The following ATP8B4 variants were observed in gnomAD, a reference collection of about 807,000 sequenced individuals.
The protein encoded by ATP8B4 is ATPase phospholipid transporting 8B4 (putative), also known as probable phospholipid-transporting ATPase IM.
In ATP8B4, 133 loss-of-function variants were observed where a neutral mutation model predicts 145.6. That is an observed-to-expected ratio of 0.91 (90% confidence interval 0.79 to 1.05). The LOEUF (loss-of-function observed/expected upper bound fraction) is 1.05. ATP8B4 is among the 50% of genes least tolerant of loss of function. ATP8B4 has a pLI of 0.00. For synonymous variants in ATP8B4, 507 were observed against 492.9 expected (o/e 1.03, Z -0.38); for missense variants, 1,458 against 1,425.2 (o/e 1.02, Z -0.37).
intron 9 of ATP8B4, among the ~76,000 whole-genome samples, chr15:49,990,924 C>T (rs1419778044): frequency 6.6e-6 from 1 of 152,130 alleles, no homozygotes; most frequent in African/African-American, 2.4e-5. Flanking sequence ...ATGATTGTGA[C>T]AAATACTTAT....
At chr15:49,936,699 C>T (rs1408698259) in intron 14 of ATP8B4, among the ~76,000 whole-genome samples, 1 of 151,810 alleles carries the variant, frequency 6.6e-6, no homozygotes, top group Non-Finnish European at 1.5e-5. Flanking sequence ...TCTGATATTT[C>T]TTTATAATTT....
Position 49,859,397 on chromosome 15 carries a change from T to A in ATP8B4, c.*797A>T, listed in dbSNP as rs2031222519. On this transcript the variant is annotated 3_prime_UTR_variant, in exon 28 of 28. Transcript: ENST00000284509. ...CTGATTCTATTAATGGTCTGGATGA[T>A]GCTCAGCAAATTACTACTGAGGTTG... The A allele has an allele frequency of 3.9e-5, 6 of 152,226 alleles. No homozygotes were observed. In the South Asian group the frequency reaches 1.0e-3, roughly 26 times the overall value. 9.4% of individuals were successfully genotyped at this position (152,226 alleles called of 1,614,324 possible). A position where few individuals can be genotyped will look rare whatever the true frequency, so the allele number is the denominator to read the frequency against.
intron 10 of ATP8B4, among the ~76,000 whole-genome samples, chr15:49,986,636 A>G (rs964064040): frequency 6.6e-6 from 1 of 152,220 alleles, no homozygotes; most frequent in Non-Finnish European, 1.5e-5. Context: ...TCCAATTTTG[A>G]TTGCACATAG....
chr15:50,122,773 A>G (rs1220436521), upstream of ATP8B4, among the ~76,000 whole-genome samples: 2 of 152,162 alleles, frequency 1.3e-5, no homozygotes, highest in Non-Finnish European at 2.9e-5. Context: ...TGAATCTCCT[A>G]AAGTCTACAC....
At chr15:49,920,613 T>C (rs143657650) in intron 17 of ATP8B4, among the ~76,000 whole-genome samples, 1 of 152,340 alleles carries the variant, frequency 6.6e-6, no homozygotes, top group Admixed American at 6.5e-5. Context: ...TCTATGAGGT[T>C]AAAACATGCA....
intron 17 of ATP8B4, chr15:49,922,205 C>A: frequency 5.5e-6 from 1 of 180,892 alleles, no homozygotes; most frequent in Non-Finnish European, 1.2e-5. Flanking sequence ...AAGCAAAGAG[C>A]AAGTTAAATT....
intron 1 of ATP8B4, among the ~76,000 whole-genome samples, chr15:50,117,914 T>C (rs935529080): frequency 2.0e-5 from 3 of 152,108 alleles, no homozygotes; most frequent in Non-Finnish European, 4.4e-5. Flanking sequence ...AAGACAAATA[T>C]CACATATCCT....
At chr15:50,177,638 A>C (rs530012589) in intron 1 of ATP8B4, among the ~76,000 whole-genome samples, 1 of 152,330 alleles carries the variant, frequency 6.6e-6, no homozygotes, top group African/African-American at 2.4e-5. Context: ...AACTCTCCTC[A>C]GTAACTTCTC....
At chr15:50,086,958 TAAA>T (rs1481114956) in intron 2 of ATP8B4, among the ~76,000 whole-genome samples, 1 of 100,300 alleles carries the variant, frequency 1.0e-5, no homozygotes, top group Non-Finnish European at 1.8e-5. Context: ...TTATATATAA[TAAA>T]ATAATATAGA....
chr15:50,017,440 C>T (rs2049175796), intron 6 of ATP8B4, among the ~76,000 whole-genome samples: 1 of 152,100 alleles, frequency 6.6e-6, no homozygotes, highest in Non-Finnish European at 1.5e-5. Context: ...TTTGAAAAAT[C>T]AGAGAATTCA....
At chr15:49,880,221 G>C (rs1167649698) in intron 23 of ATP8B4, 1 of 152,226 alleles carries the variant, frequency 6.6e-6, no homozygotes, top group Non-Finnish European at 1.5e-5. Flanking sequence ...TGGGAGGGCT[G>C]TAATTGTAAT....
intron 2 of ATP8B4, among the ~76,000 whole-genome samples, chr15:50,088,139 G>A (rs937669225): frequency 6.6e-6 from 1 of 152,054 alleles, no homozygotes; most frequent in African/African-American, 2.4e-5. Flanking sequence ...TGTAATCCCA[G>A]CACTTTAGGA....
upstream of ATP8B4, among the ~76,000 whole-genome samples, chr15:50,123,435 G>T (rs2057286512): frequency 6.6e-6 from 1 of 152,196 alleles, no homozygotes; most frequent in African/African-American, 2.4e-5. Flanking sequence ...CATGCAGCCA[G>T]AGGCTGCAAG....
At chr15:50,065,244 A>T (rs2053299465) in intron 3 of ATP8B4, among the ~76,000 whole-genome samples, 2 of 152,194 alleles carry the variant, frequency 1.3e-5, no homozygotes, top group African/African-American at 4.8e-5. Context: ...CAAAAAAAAG[A>T]AACTACATAG....
intron 1 of ATP8B4, among the ~76,000 whole-genome samples, chr15:50,150,947 T>C (rs1432071766): frequency 1.3e-5 from 2 of 152,198 alleles, no homozygotes; most frequent in Non-Finnish European, 2.9e-5. Flanking sequence ...TGATATGGAT[T>C]CCTGTCCTAA....
intron 20 of ATP8B4, among the ~76,000 whole-genome samples, chr15:49,905,609 A>G (rs16963049): frequency 0.066 from 9,999 of 152,216 alleles, 1,127 homozygotes; most frequent in African/African-American, 0.23. Context: ...GGGGTTACCT[A>G]CAAGTCTGAG....
chr15:49,944,753 C>A, intron 14 of ATP8B4, among the ~76,000 whole-genome samples: 1 of 152,126 alleles, frequency 6.6e-6, no homozygotes, highest in East Asian at 1.9e-4. Flanking sequence ...CCAACAACAG[C>A]AGAATGCACA....
At chr15:49,974,630 A>C (rs1003409426) in intron 12 of ATP8B4, among the ~76,000 whole-genome samples, 2 of 152,110 alleles carry the variant, frequency 1.3e-5, no homozygotes, top group Non-Finnish European at 2.9e-5. Flanking sequence ...TTTTGTTTAG[A>C]TATGTCTTCT....
chr15:49,999,553 A>T (rs4550392), intron 8 of ATP8B4, among the ~76,000 whole-genome samples: 103,725 of 151,958 alleles, frequency 0.68, 37,645 homozygotes, highest in East Asian at 0.99. Context: ...AATGAAATTT[A>T]AAAAAAAGTA....
Sources: allele counts gnomAD v4.1 joint callset (sites outside exome capture counted in the v4.1 genomes callset), GRCh38; gene constraint gnomAD v4.1.1; transcripts MANE v1.5; gene names NCBI Gene and HGNC (gene_info 2026-07-23, HGNC 2026-07-21).